The following ZNF564 variants were observed in gnomAD, a reference collection of about 807,000 sequenced individuals.
ZNF564 encodes the protein zinc finger protein 564.
In ZNF564, 5 loss-of-function variants were observed where a neutral mutation model predicts 10.5. The ratio of observed to expected loss-of-function variants is 0.48; its 90% CI spans 0.25 to 1.00. The LOEUF is 1.00. Among genes scored for constraint, ZNF564 ranks in the 50% least tolerant of loss-of-function variants. The probability of loss-of-function intolerance (pLI) is 0.16; values close to 1 mark genes in which losing one functional copy is unlikely to be tolerated. For synonymous variants in ZNF564, 242 were observed against 218.1 expected (o/e 1.11, Z -0.97); for missense variants, 603 against 669.7 (o/e 0.90, Z 1.10).
intron 1 of ZNF564, among the ~76,000 whole-genome samples, chr19:12,543,003 A>C (rs1419734923): frequency 6.6e-6 from 1 of 151,868 alleles, no homozygotes; most frequent in Admixed American, 6.6e-5. Context: ...ACTCCACCAC[A>C]AAAAAGAAAA....
intron 1 of ZNF564, among the ~76,000 whole-genome samples, chr19:12,537,021 C>T (rs958214329): frequency 2.6e-5 from 4 of 152,150 alleles, no homozygotes; most frequent in African/African-American, 7.2e-5. Flanking sequence ...AGCAATCTTT[C>T]GGTCTCTATA....
At chr19:12,533,899 G>T (rs1469129470) in intron 1 of ZNF564, among the ~76,000 whole-genome samples, 1 of 150,750 alleles carries the variant, frequency 6.6e-6, no homozygotes, top group Non-Finnish European at 1.5e-5. Flanking sequence ...ACAGAAGTCG[G>T]TTATTGGAGA....
chr19:12,544,733 G>A (rs1457561908), intron 1 of ZNF564, among the ~76,000 whole-genome samples: 2 of 152,166 alleles, frequency 1.3e-5, no homozygotes, highest in African/African-American at 4.8e-5. Context: ...CTCCCACAGA[G>A]TCTCCAATAA....
chr19:12,526,599 T>G lies in ZNF564; in HGVS notation c.1509A>C (p.Lys503Asn). Residue 503 changes from lysine to asparagine, a missense_variant, in exon 4 of 4, where the codon AAA becomes AAC. By Grantham distance (94) the Lys-to-Asn change is moderately conservative (BLOSUM62 0). Coordinates refer to ENST00000339282, the MANE Select transcript of ZNF564 (RefSeq NM_144976.4). ...TTCCACATTGCTTACATTCATAGGG[T>G]TTTTCTCCGGTATGAGTTCTTTCAT... ...RIHERTHTGE[K>N]PYECKQCGKT... 3 of 1,614,060 alleles carry G rather than the reference T, an allele frequency of 1.9e-6. No individual in the cohort carries two copies. Among genetic ancestry groups the G allele is most frequent in the Non-Finnish European group, 2.5e-6 (3 of 1,180,000 alleles).
At chr19:12,543,673 C>CAA (rs57611686) in intron 1 of ZNF564, among the ~76,000 whole-genome samples, 2,165 of 60,958 alleles carry the variant, frequency 0.036, 140 homozygotes, top group African/African-American at 0.044. Context: ...GACTTCGTCT[C>CAA]AAAAAAAAAA....
chr19:12,546,566 A>C (rs563977534), intron 1 of ZNF564, among the ~76,000 whole-genome samples: 3 of 152,160 alleles, frequency 2.0e-5, no homozygotes, highest in African/African-American at 7.2e-5. Flanking sequence ...TCTCTACTAA[A>C]AATACAAAAA....
chr19:12,544,652 G>C (rs1266229231), intron 1 of ZNF564, among the ~76,000 whole-genome samples: 2 of 152,118 alleles, frequency 1.3e-5, no homozygotes, highest in African/African-American at 4.8e-5. Context: ...AGAGGCTGCA[G>C]GGACCACCTC....
chr19:12,541,649 T>C (rs1425571965), intron 1 of ZNF564: 6 of 152,118 alleles, frequency 3.9e-5, no homozygotes, highest in African/African-American at 1.4e-4. Context: ...GCTTAAGCTG[T>C]CCCAAATACA....
At chr19:12,532,305 G>A (rs1337876200) in intron 1 of ZNF564, among the ~76,000 whole-genome samples, 2 of 151,698 alleles carry the variant, frequency 1.3e-5, no homozygotes, top group African/African-American at 2.4e-5. Context: ...GGAGGCCAAG[G>A]CGGGCGGATC....
intron 1 of ZNF564, among the ~76,000 whole-genome samples, chr19:12,535,727 G>A (rs1448784088): frequency 2.6e-5 from 4 of 152,046 alleles, no homozygotes; most frequent in Non-Finnish European, 5.9e-5. Flanking sequence ...AAAAAATAGG[G>A]CAAACTGGCC....
At chr19:12,551,215 C>A in intron 1 of ZNF564, 115 bp downstream of exon 1, 2 of 1,254,432 alleles carry the variant, frequency 1.6e-6, no homozygotes, top group Non-Finnish European at 2.3e-6. Flanking sequence ...CCAGGGAACT[C>A]GGGTCCCAGA....
At chr19:12,540,035 T>C (rs1023566397) in intron 1 of ZNF564, among the ~76,000 whole-genome samples, 1 of 151,426 alleles carries the variant, frequency 6.6e-6, no homozygotes, top group African/African-American at 2.4e-5. Flanking sequence ...CACAGTATAA[T>C]GCCACTTGCG....
chr19:12,551,377 C>A lies in ZNF564; in HGVS notation c.-45G>T, dbSNP rs373811127. 26 of 1,579,160 alleles carry A rather than the reference C, an allele frequency of 1.6e-5. No homozygotes were observed. The highest frequency in any genetic ancestry group is 2.1e-5 in the Non-Finnish European group (24 of 1,163,160). ...CCCGGGGTCCTGCCTACGGCTCTCTCCGGCCTGTGCAGGTCCCAGCGCGCC... is the reference window on the plus strand; with the variant it reads ...CCCGGGGTCCTGCCTACGGCTCTCTACGGCCTGTGCAGGTCCCAGCGCGCC... On this transcript the variant is annotated 5_prime_UTR_variant, in exon 1 of 4. Transcript: ENST00000339282.
intron 1 of ZNF564, among the ~76,000 whole-genome samples, chr19:12,536,335 C>T (rs1365438241): frequency 6.6e-6 from 1 of 152,122 alleles, no homozygotes; most frequent in African/African-American, 2.4e-5. Context: ...TGTCACCATG[C>T]TCAGGAAATT....
At chr19:12,543,106 G>C (rs1292240741) in intron 1 of ZNF564, among the ~76,000 whole-genome samples, 2 of 151,914 alleles carry the variant, frequency 1.3e-5, no homozygotes, top group Admixed American at 1.3e-4. Context: ...TTCAAGACCA[G>C]CCTGGCCAAA....
At chr19:12,533,727 CAAAAAAAAAA>C (rs59631972) in intron 1 of ZNF564, among the ~76,000 whole-genome samples, 1 of 29,182 alleles carries the variant, frequency 3.4e-5, no homozygotes, top group African/African-American at 1.7e-4. Context: ...CTGCTGTCTC[CAAAAAAAAAA>C]AAAAAAAAAA....
At chr19:12,543,673 C>CAAAAAAAAAAAAAAAAAAAAAACAA (rs2022100700) in intron 1 of ZNF564, among the ~76,000 whole-genome samples, 1 of 62,258 alleles carries the variant, frequency 1.6e-5, no homozygotes, top group African/African-American at 7.0e-5. Flanking sequence ...GACTTCGTCT[C>CAAAAAAAAAAAAAAAAAAAAAACAA]AAAAAAAAAA....
intron 1 of ZNF564, among the ~76,000 whole-genome samples, chr19:12,546,096 G>A (rs1333634686): frequency 6.6e-6 from 1 of 152,152 alleles, no homozygotes; most frequent in African/African-American, 2.4e-5. Context: ...CCCAGGAACT[G>A]CAGACAAACA....
In ZNF564 at chr19:12,527,288, T is replaced by C. The variant is rs2021704737; in HGVS notation, c.820A>G (p.Thr274Ala). 6 of 1,613,880 alleles carry C rather than the reference T, an allele frequency of 3.7e-6. No individual in the cohort carries two copies. Among genetic ancestry groups the C allele is most frequent in the East Asian group, 2.2e-5 (1 of 44,872 alleles). Residue 274 changes from threonine (T) to alanine (A), a missense_variant, in exon 4 of 4, where the codon ACT (threonine) becomes GCT (alanine). By Grantham distance (58) the Thr-to-Ala change is moderately conservative (BLOSUM62 0). Coordinates refer to ENST00000339282, the MANE Select transcript of ZNF564 (RefSeq NM_144976.4). ...RPSLFRIHER[T>A]HTGEKPHECK... ...TCATGGGGTTTCTCTCCAGTATGAG[T>C]TCTTTCATGTATTCGAAATAAACTG...
Sources: gnomAD v4.1 joint callset for allele counts (sites outside exome capture counted in the v4.1 genomes callset) on GRCh38, gnomAD v4.1.1 for gene constraint, MANE v1.5 for transcripts, NCBI Gene and HGNC (gene_info 2026-07-23, HGNC 2026-07-21) for gene names.